SLC27A2: variants seen among roughly 807,000 people sequenced by gnomAD.
SLC27A2 encodes the protein solute carrier family 27 member 2, also known as long-chain fatty acid transport protein 2.
In SLC27A2, 54 loss-of-function variants were observed where a neutral mutation model predicts 60.0. That is an observed-to-expected ratio of 0.90 (90% confidence interval 0.72 to 1.13). The LOEUF (loss-of-function observed/expected upper bound fraction) is 1.13, where lower values mean the gene tolerates loss of function less well. Ranked by LOEUF, SLC27A2 falls within the 50% of genes most tolerant of loss-of-function variation. The pLI, the probability that SLC27A2 is intolerant of heterozygous loss-of-function variation, is 0.00. For synonymous variants in SLC27A2, 297 were observed against 297.6 expected (o/e 1.00, Z 0.02); for missense variants, 739 against 777.6 (o/e 0.95, Z 0.59).
At chr15:50,224,517 G>C (rs1392302768) in intron 5 of SLC27A2, among the ~76,000 whole-genome samples, 6 of 152,168 alleles carry the variant, frequency 3.9e-5, no homozygotes, top group Non-Finnish European at 8.8e-5. Context: ...TAACAGCCTT[G>C]AATAATTGTT....
chr15:50,229,669 C>A (rs1462356070), intron 8 of SLC27A2, among the ~76,000 whole-genome samples: 1 of 152,082 alleles, frequency 6.6e-6, no homozygotes, highest in African/African-American at 2.4e-5. Context: ...TTAAGCTTGT[C>A]AAGAGAACAA....
intron 9 of SLC27A2, among the ~76,000 whole-genome samples, chr15:50,234,587 C>CA (rs767076726): frequency 0.077 from 4,692 of 61,204 alleles, 299 homozygotes; most frequent in African/African-American, 0.21. Flanking sequence ...ACTCCATCTC[C>CA]AAAAAAAAAA....
chr15:50,228,794 G>A (rs531086656), intron 7 of SLC27A2, 151 bp from the exon 8 acceptor site: 591 of 619,048 alleles, frequency 9.5e-4, no homozygotes, highest in Non-Finnish European at 9.5e-4. Context: ...AAGATACCCC[G>A]GCCAGGACTA....
At chr15:50,209,882 T>G (rs1225330978) in intron 4 of SLC27A2, among the ~76,000 whole-genome samples, 1 of 152,128 alleles carries the variant, frequency 6.6e-6, no homozygotes, top group Non-Finnish European at 1.5e-5. Context: ...AGCACCATCA[T>G]CTCAGAAACT....
chr15:50,194,125 G>A (rs777804894), intron 1 of SLC27A2, among the ~76,000 whole-genome samples: 33 of 152,120 alleles, frequency 2.2e-4, no homozygotes, highest in Non-Finnish European at 4.3e-4. Flanking sequence ...CAGCCTGGGA[G>A]ACAGAGCAGG....
chr15:50,235,823 G>A, intron 9 of SLC27A2, 97 bp from the exon 10 acceptor site: 1 of 833,474 alleles, frequency 1.2e-6, no homozygotes, highest in East Asian at 2.5e-5. Context: ...GGATGCTAAT[G>A]ATTTGCTAGA....
intron 1 of SLC27A2, among the ~76,000 whole-genome samples, chr15:50,189,069 G>A (rs1007526712): frequency 1.3e-5 from 2 of 152,188 alleles, no homozygotes; most frequent in Non-Finnish European, 2.9e-5. Context: ...ATAATGGATA[G>A]ATAATGTCTG....
chr15:50,207,126 G>A (rs2045119285), intron 4 of SLC27A2, among the ~76,000 whole-genome samples: 1 of 152,096 alleles, frequency 6.6e-6, no homozygotes, highest in Non-Finnish European at 1.5e-5. Flanking sequence ...CTCCTGGGGA[G>A]TGTGTGTTGT....
chr15:50,221,313 G>A (rs370647054), intron 4 of SLC27A2, among the ~76,000 whole-genome samples: 1 of 152,116 alleles, frequency 6.6e-6, no homozygotes, highest in Non-Finnish European at 1.5e-5. Context: ...AGCCACTGGC[G>A]GTGGGGTGGG....
At chr15:50,185,222 CTGCCAT>C (rs1231598639) in intron 1 of SLC27A2, among the ~76,000 whole-genome samples, 1 of 152,166 alleles carries the variant, frequency 6.6e-6, no homozygotes, top group Non-Finnish European at 1.5e-5. Context: ...TAACAGTTGT[CTGCCAT>C]AGAGCTATGT....
At chr15:50,215,224 A>C (rs2045186290) in intron 4 of SLC27A2, among the ~76,000 whole-genome samples, 1 of 151,906 alleles carries the variant, frequency 6.6e-6, no homozygotes, top group Non-Finnish European at 1.5e-5. Flanking sequence ...CAATAGCTGC[A>C]AAAAAAATAA....
At chr15:50,221,341 T>C (rs1224290798) in intron 4 of SLC27A2, among the ~76,000 whole-genome samples, 1 of 152,094 alleles carries the variant, frequency 6.6e-6, no homozygotes, top group Non-Finnish European at 1.5e-5. Context: ...TGGTCTCTCT[T>C]GACACATTTC....
intron 8 of SLC27A2, 51 bp from the exon 9 acceptor site, chr15:50,233,817 A>G (rs2045331219): frequency 9.9e-6 from 15 of 1,509,106 alleles, no homozygotes; most frequent in Non-Finnish European, 1.2e-5. Context: ...GAACTAATAA[A>G]GCATCATAAA....
At chr15:50,204,578 A>C (rs1195844514) in intron 3 of SLC27A2, among the ~76,000 whole-genome samples, 1 of 149,958 alleles carries the variant, frequency 6.7e-6, no homozygotes, top group African/African-American at 2.5e-5. Flanking sequence ...CTAAAAATAC[A>C]AAAAATTTGC....
chr15:50,220,657 C>A (rs947574690), intron 4 of SLC27A2, among the ~76,000 whole-genome samples: 1 of 152,032 alleles, frequency 6.6e-6, no homozygotes, highest in Non-Finnish European at 1.5e-5. Flanking sequence ...ATCCTTGGGG[C>A]GGCAGTGGGA....
chr15:50,195,330 A>C (rs1278106672), intron 1 of SLC27A2, among the ~76,000 whole-genome samples: 11 of 150,984 alleles, frequency 7.3e-5, no homozygotes, highest in South Asian at 2.1e-4. Context: ...AAAAAAAACA[A>C]AAACAAACAA....
At chr15:50,214,387 T>A (rs920843966) in intron 4 of SLC27A2, among the ~76,000 whole-genome samples, 3 of 152,026 alleles carry the variant, frequency 2.0e-5, no homozygotes, top group African/African-American at 7.2e-5. Flanking sequence ...TTCTACCAGA[T>A]GTTCAAAGAA....
chr15:50,185,621 CTTTTTTTTTTTT>C (rs531026687), intron 1 of SLC27A2, among the ~76,000 whole-genome samples: 12 of 95,764 alleles, frequency 1.3e-4, no homozygotes, highest in Non-Finnish European at 1.2e-4. Context: ...AGGAAGCTTA[CTTTTTTTTTTTT>C]TTTTTTTTTT....
intron 1 of SLC27A2, among the ~76,000 whole-genome samples, chr15:50,187,417 G>A (rs76138326): frequency 0.074 from 11,303 of 152,140 alleles, 460 homozygotes; most frequent in South Asian, 0.12. Flanking sequence ...ACACAATATG[G>A]GATATTTTAT....
Sources: gnomAD v4.1 joint callset for allele counts (sites outside exome capture counted in the v4.1 genomes callset) on GRCh38, gnomAD v4.1.1 for gene constraint, MANE v1.5 for transcripts, NCBI Gene and HGNC (gene_info 2026-07-23, HGNC 2026-07-21) for gene names.